Variants in CCDC171 observed in about 807,000 individuals in gnomAD.
CCDC171 encodes the protein coiled-coil domain containing 171, also known as coiled-coil domain-containing protein 171.
CCDC171 carries 177 observed loss-of-function variants against 168.2 expected under a neutral mutation model. The observed-to-expected ratio is 1.05, with a 90% CI of 0.93 to 1.19. The LOEUF is 1.19. Among genes scored for constraint, CCDC171 ranks in the 50% most tolerant of loss-of-function variants. The pLI is 0.00. For missense variants in CCDC171, 1,991 were observed against 1,539.0 expected (o/e 1.29, Z -4.91); for synonymous variants, 687 against 540.8 (o/e 1.27, Z -3.75).
intron 10 of CCDC171, among the ~76,000 whole-genome samples, chr9:15,679,569 A>G (rs1222358303): frequency 6.6e-6 from 1 of 152,132 alleles, no homozygotes; most frequent in Non-Finnish European, 1.5e-5. Flanking sequence ...TTCTTTTTGA[A>G]GATGAGGTTT....
chr9:15,803,336 C>T (rs1050358742), intron 21 of CCDC171, among the ~76,000 whole-genome samples: 1 of 151,502 alleles, frequency 6.6e-6, no homozygotes, highest in African/African-American at 2.4e-5. Flanking sequence ...TTTGCCCATG[C>T]CTATGTCCTG....
chr9:15,620,098 T>C lies in CCDC171; in HGVS notation c.676-3169T>C, dbSNP rs567858107. Among the ~76,000 whole-genome samples, 7 of 152,362 alleles carry C rather than the reference T, an allele frequency of 4.6e-5. No homozygotes were observed. In the East Asian group the frequency reaches 1.2e-3, roughly 25 times the overall value. On this transcript the variant is annotated intron_variant, in intron 6 of 25. Transcript: ENST00000380701. ...GGTTACTGAAGAGCGCTGATGGTTA[T>C]GTACCAGCAAGTTAATGTTGTTTTC...
intron 7 of CCDC171, among the ~76,000 whole-genome samples, chr9:15,645,584 G>A (rs1490508798): frequency 6.6e-6 from 1 of 152,212 alleles, no homozygotes; most frequent in Non-Finnish European, 1.5e-5. Context: ...CATGGCACGA[G>A]AACTACGTGA....
intron 16 of CCDC171, among the ~76,000 whole-genome samples, chr9:15,742,244 T>G (rs1420535428): frequency 6.6e-6 from 1 of 152,192 alleles, no homozygotes; most frequent in Non-Finnish European, 1.5e-5. Flanking sequence ...TTACTAAGAA[T>G]AGGGACAGTT....
At chr9:16,054,448 A>G (rs896014332) in intron 1 of CCDC171, among the ~76,000 whole-genome samples, 4 of 152,112 alleles carry the variant, frequency 2.6e-5, no homozygotes, top group African/African-American at 7.2e-5. Flanking sequence ...GGCACCAGCT[A>G]GATGGGGAGG....
intron 4 of CCDC171, among the ~76,000 whole-genome samples, chr9:16,022,089 A>G (rs1190824065): frequency 2.0e-5 from 3 of 152,316 alleles, no homozygotes; most frequent in East Asian, 1.9e-4. Context: ...ACAAGTAGGC[A>G]TATGAGTGGT....
At chr9:15,813,736 A>G (rs1196780122) in intron 21 of CCDC171, among the ~76,000 whole-genome samples, 1 of 152,134 alleles carries the variant, frequency 6.6e-6, no homozygotes, top group Non-Finnish European at 1.5e-5. Flanking sequence ...AGAATTTTAT[A>G]CTGTAAATAA....
Position 15,653,905 on chromosome 9 carries a change from C to G in CCDC171, c.823-3222C>G, listed in dbSNP as rs566920445. Among the ~76,000 whole-genome samples the G allele has an allele frequency of 3.3e-5, 5 of 152,138 alleles. No homozygotes were observed. In the East Asian group the frequency reaches 9.7e-4, roughly 29 times the overall value. ...GTGACGGGGGCCACTGTGCCTGGCC[C>G]AAAGATTGGGGTTTAAAAAAATTCT... On this transcript the variant is annotated intron_variant, in intron 7 of 25. Coordinates refer to ENST00000380701, the MANE Select transcript of CCDC171 (RefSeq NM_173550.4).
chr9:15,568,766 ATTTG>A (rs1358589289), intron 2 of CCDC171, among the ~76,000 whole-genome samples: 4 of 151,522 alleles, frequency 2.6e-5, no homozygotes, highest in African/African-American at 9.7e-5. Context: ...TTTCTTGTAA[ATTTG>A]TTTAAGTTGC....
chr9:15,673,853 C>A (rs558670099), intron 9 of CCDC171, among the ~76,000 whole-genome samples: 10 of 152,280 alleles, frequency 6.6e-5, no homozygotes, highest in African/African-American at 2.2e-4. Context: ...CTGGATGATG[C>A]TGGCCTCATA....
chr9:15,617,439 T>G (rs926468623), intron 6 of CCDC171, among the ~76,000 whole-genome samples: 9 of 150,794 alleles, frequency 6.0e-5, no homozygotes, highest in African/African-American at 2.2e-4. Context: ...TGCAGTGGCG[T>G]GATCTCGGCT....
chr9:15,678,993 T>A (rs1215074318), intron 10 of CCDC171, 97 bp downstream of exon 10: 3 of 925,778 alleles, frequency 3.2e-6, no homozygotes, highest in African/African-American at 3.5e-5. Context: ...GAGATAATAG[T>A]ATGCAAGTTA....
At chr9:15,949,304 G>A (rs143988887) in intron 25 of CCDC171, among the ~76,000 whole-genome samples, 2,683 of 152,124 alleles carry the variant, frequency 0.018, 94 homozygotes, top group South Asian at 0.12. Context: ...TTGGCGATTC[G>A]GGCTTTTTTT....
downstream of CCDC171, among the ~76,000 whole-genome samples, chr9:15,978,432 G>T (rs555064893): frequency 6.7e-6 from 1 of 148,982 alleles, no homozygotes. Context: ...CTACACAGAA[G>T]AGTCCTGGCA....
At chr9:15,976,072 G>A (rs1400134057), downstream of CCDC171, among the ~76,000 whole-genome samples, 1 of 152,068 alleles carries the variant, frequency 6.6e-6, no homozygotes, top group African/African-American at 2.4e-5. Flanking sequence ...CTTTCAGGGC[G>A]GTGCTAGAAG....
At chr9:15,592,371 A>G (rs1164171373) in intron 5 of CCDC171, among the ~76,000 whole-genome samples, 3 of 152,016 alleles carry the variant, frequency 2.0e-5, no homozygotes, top group African/African-American at 7.3e-5. Context: ...AAAACAAAGA[A>G]AAAAAAACGG....
chr9:15,900,883 C>T lies in CCDC171; in HGVS notation c.3601-19387C>T, dbSNP rs1335620175. Among the ~76,000 whole-genome samples the T allele has an allele frequency of 3.9e-5, 6 of 152,236 alleles. No homozygotes were observed. The East Asian group carries it at 9.7e-4, about 25-fold the overall frequency. The stretch of plus-strand genomic sequence containing the variant: ...ACCCAGCTGCTGCCACCCTGCACAG[C>T]CCTAAGTACGGGAAGAGTCAACTAG... On this transcript the variant is annotated intron_variant, in intron 24 of 25. Coordinates refer to ENST00000380701, the MANE Select transcript of CCDC171 (RefSeq NM_173550.4).
At position 15,934,847 on chromosome 9, in the gene CCDC171, C is replaced by T. The variant is rs1212870332; in HGVS notation, c.3753+14425C>T. Among the ~76,000 whole-genome samples the T allele has an allele frequency of 2.6e-5, 4 of 151,990 alleles. No individual in the cohort carries two copies. The East Asian group carries it at 5.8e-4, about 22-fold the overall frequency. On this transcript the variant is annotated intron_variant, in intron 25 of 25. Transcript: ENST00000380701. ...AATAAGAAGGGAAGAAGCACTGATA[C>T]GTGTTACAACATGGATGCACTGTGA...
chr9:15,967,745 A>G (rs1830943165), intron 25 of CCDC171, among the ~76,000 whole-genome samples: 1 of 152,212 alleles, frequency 6.6e-6, no homozygotes, highest in Non-Finnish European at 1.5e-5. Context: ...TTTTAATCAC[A>G]CTATGTGCTT....
Sources: allele counts gnomAD v4.1 joint callset (sites outside exome capture counted in the v4.1 genomes callset), GRCh38; gene constraint gnomAD v4.1.1; transcripts MANE v1.5; gene names NCBI Gene and HGNC (gene_info 2026-07-23, HGNC 2026-07-21).